Variants in NMS observed in about 807,000 individuals in gnomAD.
NMS encodes the protein neuromedin S.
A neutral mutation model predicts 32.2 loss-of-function variants in NMS; 30 were observed. The observed-to-expected ratio is 0.93, with a 90% CI of 0.70 to 1.26. The LOEUF (loss-of-function observed/expected upper bound fraction) is 1.26. NMS is among the 50% of genes most tolerant of loss of function. The pLI, the probability that NMS is intolerant of heterozygous loss-of-function variation, is 0.00. For synonymous variants in NMS, 76 were observed against 58.5 expected (o/e 1.30, Z -1.37); for missense variants, 190 against 186.3 (o/e 1.02, Z -0.12).
chr2:100,472,374 C>T (rs1677021088), intron 1 of NMS, among the ~76,000 whole-genome samples: 1 of 152,214 alleles, frequency 6.6e-6, no homozygotes, highest in African/African-American at 2.4e-5. Flanking sequence ...GACGGGTATC[C>T]ATGTGTCTTC....
intron 4 of NMS, 32 bp downstream of exon 4, chr2:100,477,299 G>A (rs1188539006): frequency 6.2e-7 from 1 of 1,611,476 alleles, no homozygotes; most frequent in South Asian, 1.1e-5. Flanking sequence ...ACAAGTGCAT[G>A]CAGCTTCCAT....
At chr2:100,477,115 A>G in intron 3 of NMS, 129 bp from the exon 4 acceptor site, 1 of 729,994 alleles carries the variant, frequency 1.4e-6, no homozygotes, top group Non-Finnish European at 2.3e-6. Flanking sequence ...ATTTCTTTTT[A>G]GATTGCCAAT....
chr2:100,471,014 C>G (rs1199216912), intron 1 of NMS, among the ~76,000 whole-genome samples: 1 of 152,214 alleles, frequency 6.6e-6, no homozygotes, highest in African/African-American at 2.4e-5. Context: ...AAAAAGGAAT[C>G]TTTCCCAAGC....
chr2:100,479,371 C>G lies in NMS; in HGVS notation c.280C>G (p.Leu94Val). The change falls in exon 6 of 10, where the codon CTA becomes GTA. Residue 94 changes from leucine (L) to valine (V), a missense_variant. Leu to Val is a conservative substitution (Grantham distance 32). Transcript: ENST00000376865. ...GTTGCAGTTTCCTCCAGTGCATCCT[C>G]TAATGCACCTGGCTGCCAAGCTCGC... Reference protein sequence around the residue: ...VKTGFPPVHPLMHLAAKLANR... With the variant: ...VKTGFPPVHPVMHLAAKLANR... 1.2e-6 allele frequency: 2 copies of G among 1,610,944 alleles called. No individual in the cohort carries two copies. The highest frequency in any genetic ancestry group is 8.5e-7 in the Non-Finnish European group (1 of 1,178,598).
chr2:100,474,370 A>G (rs1434115416), intron 3 of NMS, among the ~76,000 whole-genome samples: 3 of 152,136 alleles, frequency 2.0e-5, no homozygotes, highest in African/African-American at 7.2e-5. Context: ...CTCCAGCCAC[A>G]GTGAATCTAT....
rs1169678567 is a variant in NMS, at chr2:100,471,945, C to T, written c.77-850C>T. Reference sequence around the variant, plus strand: ...AAAACTATGCTCAGTGCCTTTACCTCATATCTTATCATTTCAAGTCAGGCT... The same window carrying T: ...AAAACTATGCTCAGTGCCTTTACCTTATATCTTATCATTTCAAGTCAGGCT... On this transcript the variant is annotated intron_variant, in intron 1 of 9. Transcript: ENST00000376865. 2.0e-5 allele frequency among the ~76,000 whole-genome samples: 3 copies of T among 149,488 alleles called. No homozygotes were observed. The East Asian group carries it at 6.0e-4, about 30-fold the overall frequency.
intron 6 of NMS, 86 bp from the exon 7 acceptor site, chr2:100,480,409 AG>A: frequency 7.3e-7 from 1 of 1,367,904 alleles, no homozygotes; most frequent in Non-Finnish European, 1.0e-6. Context: ...CTTAGAAGCA[AG>A]GCAGGGAGGG....
chr2:100,471,351 A>G (rs1677003950), intron 1 of NMS, among the ~76,000 whole-genome samples: 1 of 152,190 alleles, frequency 6.6e-6, no homozygotes, highest in Non-Finnish European at 1.5e-5. Context: ...TTCAAACAAT[A>G]TGTTTGTTTG....
rs368535971 is a variant in NMS, at chr2:100,473,470, T to C, written c.133-19T>C. ...TCCCCCTCATCCCTTTGATTTGTTT[T>C]CTTCATTTTATTTTTTAGCAGCTGG... On this transcript the variant is annotated intron_variant, in intron 2 of 9. Coordinates refer to ENST00000376865, the MANE Select transcript of NMS (RefSeq NM_001011717.1). The C allele has an allele frequency of 2.8e-5, 41 of 1,471,450 alleles. No individual in the cohort carries two copies. The highest frequency in any genetic ancestry group is 3.7e-5 in the Non-Finnish European group (41 of 1,095,654). The allele number at this position is 1,471,450 out of a possible 1,614,324, so 91.1% of individuals were successfully genotyped here.
At chr2:100,473,400 C>T in intron 2 of NMS, 89 bp from the exon 3 acceptor site, 1 of 588,444 alleles carries the variant, frequency 1.7e-6, no homozygotes, top group Non-Finnish European at 2.8e-6. Flanking sequence ...CTTGTTTCTT[C>T]TATCTAATTG....
intron 8 of NMS, among the ~76,000 whole-genome samples, chr2:100,481,676 C>A (rs948224049): frequency 1.3e-5 from 2 of 152,198 alleles, no homozygotes; most frequent in African/African-American, 4.8e-5. Flanking sequence ...CCATGCCCCC[C>A]AGAAACTGCA....
chr2:100,477,958 C>T (rs1375118129), intron 5 of NMS, among the ~76,000 whole-genome samples: 2 of 152,078 alleles, frequency 1.3e-5, no homozygotes, highest in African/African-American at 4.8e-5. Flanking sequence ...ATTGGAGAGG[C>T]CATAGAATAT....
intron 6 of NMS, 101 bp from the exon 7 acceptor site, chr2:100,480,395 C>T (rs1677194357): frequency 8.1e-7 from 1 of 1,228,502 alleles, no homozygotes; most frequent in Non-Finnish European, 1.2e-6. Flanking sequence ...AGACTTCTGA[C>T]TATCTTAGAA....
chr2:100,475,868 G>A (rs968499214), intron 3 of NMS, among the ~76,000 whole-genome samples: 5 of 151,682 alleles, frequency 3.3e-5, no homozygotes, highest in African/African-American at 9.7e-5. Context: ...GCGTGGTGGC[G>A]TGTGCCTGTA....
chr2:100,481,988 G>A (rs969569258), intron 8 of NMS, among the ~76,000 whole-genome samples: 21 of 152,186 alleles, frequency 1.4e-4, no homozygotes, highest in Non-Finnish European at 8.8e-5. Flanking sequence ...TTCTGTGTTG[G>A]ATGGTTTGTG....
chr2:100,472,986 G>T (rs1677036402), intron 2 of NMS, 136 bp downstream of exon 2: 1 of 556,182 alleles, frequency 1.8e-6, no homozygotes, highest in African/African-American at 1.9e-5. Context: ...CATTTTTCAT[G>T]GCCTCATTTA....
rs113797569 is a variant in NMS, at chr2:100,476,622, A to G, written c.184-622A>G. ...GAAGATTTAAATGATTGTTCACAGTAATCATCTCTTGTGACTTTATAAAAC... is the reference window on the plus strand; with the variant it reads ...GAAGATTTAAATGATTGTTCACAGTGATCATCTCTTGTGACTTTATAAAAC... On this transcript the variant is annotated intron_variant, in intron 3 of 9. Transcript: ENST00000376865. Among the ~76,000 whole-genome samples the G allele has an allele frequency of 7.0e-3, 1,067 of 152,322 alleles. 4 individuals are homozygous for G. The highest frequency in any genetic ancestry group is 0.01 in the Non-Finnish European group (687 of 68,028).
chr2:100,480,500 C>G lies in NMS; in HGVS notation c.341C>G (p.Ser114Trp), dbSNP rs768190752. Residue 114 changes from serine (S) to tryptophan (W), a missense_variant, in exon 7 of 10, where the codon TCG (serine) becomes TGG (tryptophan). By Grantham distance (177) the Ser-to-Trp change is radical (BLOSUM62 -3). Coordinates refer to ENST00000376865, the MANE Select transcript of NMS (RefSeq NM_001011717.1). ...RRMKRILQRGSGTAAVDFTKK... is the reference protein window; with the variant it reads ...RRMKRILQRGWGTAAVDFTKK... ...CTGTGCCTCATTTCCTTGCAGGGCT[C>G]GGGGACTGCTGCAGTGGACTTCACC... is the stretch of plus-strand genomic sequence containing the variant. The G allele has an allele frequency of 1.5e-5, 25 of 1,613,224 alleles. No individual in the cohort carries two copies. Among genetic ancestry groups the G allele is most frequent in the Middle Eastern group, 1.8e-4 (1 of 5,462 alleles).
intron 1 of NMS, among the ~76,000 whole-genome samples, chr2:100,472,256 A>G (rs968836200): frequency 1.4e-5 from 2 of 141,230 alleles, no homozygotes; most frequent in African/African-American, 5.4e-5. Flanking sequence ...TATCACAGGC[A>G]AGTGAGAAGA....
Sources: gnomAD v4.1 joint callset for allele counts (sites outside exome capture counted in the v4.1 genomes callset) on GRCh38, gnomAD v4.1.1 for gene constraint, MANE v1.5 for transcripts, NCBI Gene and HGNC (gene_info 2026-07-23, HGNC 2026-07-21) for gene names.